Variants in ZSWIM5 observed in about 807,000 individuals in gnomAD.
The protein encoded by ZSWIM5 is zinc finger SWIM domain-containing protein 5.
Under a neutral mutation model 119.6 loss-of-function variants are expected in ZSWIM5, and 55 were observed. That is an observed-to-expected ratio of 0.46 (90% confidence interval 0.37 to 0.58). The LOEUF is 0.58. Among genes scored for constraint, ZSWIM5 ranks in the 20% least tolerant of loss-of-function variants. The pLI is 0.00. For missense variants in ZSWIM5, 1,193 were observed against 1,512.8 expected (o/e 0.79, Z 3.51); for synonymous variants, 537 against 606.9 (o/e 0.88, Z 1.69).
At chr1:45,168,696 T>C (rs1189828823) in intron 1 of ZSWIM5, among the ~76,000 whole-genome samples, 1 of 150,296 alleles carries the variant, frequency 6.7e-6, no homozygotes, top group Non-Finnish European at 1.5e-5. Flanking sequence ...GAATAAAGAT[T>C]GAATTTTTTT....
At chr1:45,112,622 A>G (rs1205514785) in intron 1 of ZSWIM5, among the ~76,000 whole-genome samples, 1 of 152,200 alleles carries the variant, frequency 6.6e-6, no homozygotes, top group Non-Finnish European at 1.5e-5. Context: ...ACTTATAAAT[A>G]CCTAGTTGGA....
chr1:45,198,706 T>TA lies in ZSWIM5; in HGVS notation c.595+7049dup, dbSNP rs1272266508. 5.9e-5 allele frequency among the ~76,000 whole-genome samples: 9 copies of TA among 152,228 alleles called. No homozygotes were observed. The East Asian group carries it at 1.7e-3, about 29-fold the overall frequency. On this transcript the variant is annotated intron_variant, in intron 1 of 13. Coordinates refer to ENST00000359600, the MANE Select transcript of ZSWIM5 (RefSeq NM_020883.2). ...TGACTTCTTTTTGTTCCCTAATCTT[T>TA]AAAAAAATCTTCAAAAGGCACCAAT...
At chr1:45,085,168 G>T (rs1645318881) in intron 2 of ZSWIM5, among the ~76,000 whole-genome samples, 1 of 152,234 alleles carries the variant, frequency 6.6e-6, no homozygotes, top group African/African-American at 2.4e-5. Flanking sequence ...CTCTGGAGCT[G>T]CGGCCTAAGA....
At chr1:45,068,023 G>A (rs901551463) in intron 2 of ZSWIM5, among the ~76,000 whole-genome samples, 5 of 151,202 alleles carry the variant, frequency 3.3e-5, no homozygotes, top group Non-Finnish European at 4.4e-5. Flanking sequence ...CAGCCTCCAC[G>A]TAAGCATTGA....
intron 1 of ZSWIM5, among the ~76,000 whole-genome samples, chr1:45,113,731 C>A (rs536086947): frequency 1.3e-5 from 2 of 152,136 alleles, no homozygotes; most frequent in African/African-American, 2.4e-5. Context: ...AAAAGAATAA[C>A]TCCAAAAATC....
At chr1:45,204,774 A>G (rs1340590583) in intron 1 of ZSWIM5, among the ~76,000 whole-genome samples, 1 of 152,208 alleles carries the variant, frequency 6.6e-6, no homozygotes, top group African/African-American at 2.4e-5. Flanking sequence ...AATAAAACGC[A>G]TAAAGATATG....
At chr1:45,042,814 G>T (rs1035128646) in intron 6 of ZSWIM5, among the ~76,000 whole-genome samples, 1 of 152,192 alleles carries the variant, frequency 6.6e-6, no homozygotes, top group African/African-American at 2.4e-5. Context: ...AATGCAGATT[G>T]TGTCTACTTA....
intron 1 of ZSWIM5, among the ~76,000 whole-genome samples, chr1:45,156,182 C>G (rs1054121914): frequency 1.3e-5 from 2 of 151,984 alleles, no homozygotes; most frequent in Non-Finnish European, 2.9e-5. Context: ...TGAATTAATG[C>G]AGAAACAGAA....
intron 10 of ZSWIM5, among the ~76,000 whole-genome samples, 182 bp downstream of exon 10, chr1:45,035,506 A>C (rs530057075): frequency 6.6e-6 from 1 of 152,320 alleles, no homozygotes; most frequent in East Asian, 1.9e-4. Flanking sequence ...AGTCACCAAC[A>C]AGGAATCCAG....
chr1:45,093,850 T>TA (rs1645381907), intron 1 of ZSWIM5, among the ~76,000 whole-genome samples: 1 of 149,670 alleles, frequency 6.7e-6, no homozygotes, highest in Non-Finnish European at 1.5e-5. Context: ...AAGCTTGTTT[T>TA]TTTTTTTTTT....
At chr1:45,173,495 A>G (rs1271984846) in intron 1 of ZSWIM5, among the ~76,000 whole-genome samples, 2 of 152,080 alleles carry the variant, frequency 1.3e-5, no homozygotes, top group African/African-American at 4.8e-5. Flanking sequence ...AGTTTTTTTC[A>G]TTCTTTTCAA....
At chr1:45,086,179 A>C (rs1645329009) in intron 2 of ZSWIM5, among the ~76,000 whole-genome samples, 1 of 152,182 alleles carries the variant, frequency 6.6e-6, no homozygotes. Context: ...GCAGGTGCTT[A>C]CACACTTTTC....
At chr1:45,059,608 A>G (rs1645141579) in intron 3 of ZSWIM5, among the ~76,000 whole-genome samples, 1 of 152,328 alleles carries the variant, frequency 6.6e-6, no homozygotes, top group East Asian at 1.9e-4. Context: ...GCATATAACT[A>G]TGAATATACT....
intron 2 of ZSWIM5, chr1:45,070,115 G>A: frequency 3.9e-6 from 4 of 1,024,846 alleles, no homozygotes; most frequent in Non-Finnish European, 6.2e-6. Context: ...CATTCGATCA[G>A]TCCAGGATTA....
intron 1 of ZSWIM5, among the ~76,000 whole-genome samples, chr1:45,145,976 AC>A (rs1023867158): frequency 4.6e-5 from 7 of 152,198 alleles, no homozygotes; most frequent in Non-Finnish European, 7.3e-5. Flanking sequence ...GATCAACTAT[AC>A]CAAAAACTGC....
chr1:45,105,402 G>T (rs75420311), intron 1 of ZSWIM5, among the ~76,000 whole-genome samples: 8 of 152,206 alleles, frequency 5.3e-5, no homozygotes, highest in African/African-American at 1.9e-4. Flanking sequence ...GTCTCTGCCC[G>T]GCCGCCCATC....
intron 1 of ZSWIM5, among the ~76,000 whole-genome samples, chr1:45,147,344 A>G (rs1645767891): frequency 6.6e-6 from 1 of 152,190 alleles, no homozygotes; most frequent in Non-Finnish European, 1.5e-5. Context: ...CGTAGATACT[A>G]ATTTAAATAA....
intron 1 of ZSWIM5, among the ~76,000 whole-genome samples, chr1:45,179,131 A>C (rs1570186327): frequency 6.6e-6 from 1 of 152,138 alleles, no homozygotes; most frequent in East Asian, 1.9e-4. Flanking sequence ...TTCTACCAAA[A>C]AGACACATAC....
At chr1:45,117,652 CAGAG>C in intron 1 of ZSWIM5, among the ~76,000 whole-genome samples, 1 of 152,234 alleles carries the variant, frequency 6.6e-6, no homozygotes, top group South Asian at 2.1e-4. Context: ...GCCTGGTTAA[CAGAG>C]AGAGACCTTG....
Sources: allele counts gnomAD v4.1 joint callset (sites outside exome capture counted in the v4.1 genomes callset), GRCh38; gene constraint gnomAD v4.1.1; transcripts MANE v1.5; gene names NCBI Gene and HGNC (gene_info 2026-07-23, HGNC 2026-07-21).